Variants in SESN1 observed in about 807,000 individuals in gnomAD.
SESN1 encodes sestrin 1.
Under a neutral mutation model 59.3 loss-of-function variants are expected in SESN1, and 30 were observed. The observed-to-expected ratio is 0.51, with a 90% CI of 0.38 to 0.69. The LOEUF is 0.69. Ranked by LOEUF, SESN1 falls within the 30% of genes least tolerant of loss-of-function variation. SESN1 has a pLI of 0.00. For missense variants in SESN1, 566 were observed against 673.0 expected (o/e 0.84, Z 1.76); for synonymous variants, 197 against 219.9 (o/e 0.90, Z 0.92).
At chr6:109,042,517 C>T (rs1192113174) in intron 1 of SESN1, among the ~76,000 whole-genome samples, 1 of 145,952 alleles carries the variant, frequency 6.9e-6, no homozygotes, top group Non-Finnish European at 1.5e-5. Flanking sequence ...AGGAATGAAA[C>T]AGAGGATTAT....
intron 1 of SESN1, among the ~76,000 whole-genome samples, chr6:109,056,416 A>G (rs1303001824): frequency 6.6e-6 from 1 of 152,154 alleles, no homozygotes; most frequent in Non-Finnish European, 1.5e-5. Flanking sequence ...AAAAACAACA[A>G]CAACAAAAAG....
At chr6:109,067,763 C>G (rs1356825428) in intron 1 of SESN1, among the ~76,000 whole-genome samples, 1 of 152,224 alleles carries the variant, frequency 6.6e-6, no homozygotes, top group Admixed American at 6.5e-5. Context: ...ATCAAAATGT[C>G]TTCCTAAATA....
At chr6:108,993,048 T>C (rs1779422114) in intron 6 of SESN1, 149 bp from the exon 7 acceptor site, 1 of 580,746 alleles carries the variant, frequency 1.7e-6, no homozygotes, top group Admixed American at 3.3e-5. Flanking sequence ...CAAAGTAGTT[T>C]ACTTGCTAGT....
chr6:109,065,585 G>A (rs1780810640), intron 1 of SESN1, among the ~76,000 whole-genome samples: 1 of 151,920 alleles, frequency 6.6e-6, no homozygotes, highest in African/African-American at 2.4e-5. Context: ...AATATGACTA[G>A]AGGATGAAAA....
At chr6:109,004,421 C>T (rs75995854) in intron 1 of SESN1, among the ~76,000 whole-genome samples, 4 of 150,904 alleles carry the variant, frequency 2.7e-5, no homozygotes, top group African/African-American at 4.9e-5. Context: ...TAAATCAATA[C>T]GAAAATCCCC....
At chr6:109,089,563 A>G (rs1466602459) in intron 1 of SESN1, among the ~76,000 whole-genome samples, 4 of 152,158 alleles carry the variant, frequency 2.6e-5, no homozygotes, top group Non-Finnish European at 4.4e-5. Context: ...TTTAGGAGCT[A>G]TTTCTACTTG....
chr6:109,091,888 C>T (rs924057203), intron 1 of SESN1, among the ~76,000 whole-genome samples: 10 of 152,148 alleles, frequency 6.6e-5, no homozygotes, highest in Non-Finnish European at 1.3e-4. Flanking sequence ...TGATGAAAAA[C>T]AGAAAGAAAG....
At chr6:109,044,197 C>T (rs1780385545) in intron 1 of SESN1, among the ~76,000 whole-genome samples, 1 of 151,230 alleles carries the variant, frequency 6.6e-6, no homozygotes, top group African/African-American at 2.4e-5. Flanking sequence ...TGCCGGTGAT[C>T]CCAGCTACTT....
At chr6:109,001,978 GTT>G (rs1779634514) in intron 2 of SESN1, among the ~76,000 whole-genome samples, 1 of 152,144 alleles carries the variant, frequency 6.6e-6, no homozygotes. Context: ...AGTAACTCAG[GTT>G]ATGGGCACAC....
chr6:109,084,960 CT>C (rs1583300638), intron 1 of SESN1, among the ~76,000 whole-genome samples: 1 of 152,092 alleles, frequency 6.6e-6, no homozygotes, highest in East Asian at 1.9e-4. Context: ...CTGGGAAAAT[CT>C]AATAAATGCT....
chr6:109,004,126 T>C (rs183648871), intron 1 of SESN1, among the ~76,000 whole-genome samples: 12 of 152,100 alleles, frequency 7.9e-5, no homozygotes, highest in African/African-American at 2.9e-4. Flanking sequence ...TAACATGCTT[T>C]ACCCCACAAT....
chr6:109,046,292 CCGGG>C (rs1780434194), intron 1 of SESN1, among the ~76,000 whole-genome samples: 1 of 151,684 alleles, frequency 6.6e-6, no homozygotes, highest in Admixed American at 6.6e-5. Context: ...GCTGTGTTGG[CCGGG>C]CCGGTCTCCA....
rs1453172999 is a variant in SESN1 at position 108,994,622 on chromosome 6, T to C, written c.973-13A>G. The C allele has an allele frequency of 6.3e-7, 1 of 1,583,606 alleles. No homozygotes were observed. Among genetic ancestry groups the C allele is most frequent in the Non-Finnish European group, 8.6e-7 (1 of 1,162,136 alleles). On this transcript the variant is annotated splice_polypyrimidine_tract_variant and intron_variant, in intron 5 of 9. Coordinates refer to ENST00000436639, the MANE Select transcript of SESN1 (RefSeq NM_014454.3). Reference sequence around the variant, plus strand: ...AAGAATCACTTACCTGAAGAAAAAATACAATTAATGTTACATGTGGCAGAC... The same window carrying C: ...AAGAATCACTTACCTGAAGAAAAAACACAATTAATGTTACATGTGGCAGAC...
At chr6:109,035,074 A>G (rs899090792) in intron 1 of SESN1, among the ~76,000 whole-genome samples, 3 of 152,116 alleles carry the variant, frequency 2.0e-5, no homozygotes, top group Non-Finnish European at 2.9e-5. Flanking sequence ...ATGTTAAGGG[A>G]GAGAAAAGGG....
intron 1 of SESN1, among the ~76,000 whole-genome samples, chr6:109,022,904 GT>G (rs1486897557): frequency 6.6e-6 from 1 of 152,116 alleles, no homozygotes; most frequent in Non-Finnish European, 1.5e-5. Flanking sequence ...GCCTGATAAT[GT>G]TTTAGTTTTG....
At chr6:109,024,209 A>AC in intron 1 of SESN1, among the ~76,000 whole-genome samples, 1 of 152,238 alleles carries the variant, frequency 6.6e-6, no homozygotes, top group South Asian at 2.1e-4. Context: ...TGCCTCTCTT[A>AC]GAGACAATTT....
intron 1 of SESN1, among the ~76,000 whole-genome samples, chr6:109,044,761 C>T (rs1275602130): frequency 1.3e-5 from 2 of 152,006 alleles, no homozygotes; most frequent in Non-Finnish European, 1.5e-5. Flanking sequence ...CAGTGGCTCA[C>T]GCCTGTAATC....
intron 1 of SESN1, among the ~76,000 whole-genome samples, chr6:109,009,813 G>A (rs1318945979): frequency 6.6e-6 from 1 of 152,126 alleles, no homozygotes; most frequent in African/African-American, 2.4e-5. Flanking sequence ...GCACTGTCAG[G>A]AAGGTGCAGC....
At chr6:109,001,163 G>C (rs55881406) in intron 3 of SESN1, 125 bp downstream of exon 3, 29,945 of 822,746 alleles carry the variant, frequency 0.036, 1,486 homozygotes, top group African/African-American at 0.2. Context: ...AACAGAGACT[G>C]TGCAACAGGA....
Sources: gnomAD v4.1 joint callset for allele counts (sites outside exome capture counted in the v4.1 genomes callset) on GRCh38, gnomAD v4.1.1 for gene constraint, MANE v1.5 for transcripts, NCBI Gene and HGNC (gene_info 2026-07-23, HGNC 2026-07-21) for gene names.